The following KAZN variants were observed in gnomAD, a reference collection of about 807,000 sequenced individuals.
KAZN encodes kazrin.
KAZN carries 40 observed loss-of-function variants against 87.4 expected under a neutral mutation model. That is an observed-to-expected ratio of 0.46 (90% CI 0.36 to 0.60). KAZN has a LOEUF of 0.60. KAZN is among the 20% of genes least tolerant of loss of function. KAZN has a pLI of 0.00. For missense variants in KAZN, 898 were observed against 1,073.9 expected (o/e 0.84, Z 2.29); for synonymous variants, 466 against 458.3 (o/e 1.02, Z -0.22).
chr1:14,611,537 AT>A (rs1036108283), intron 1 of KAZN, among the ~76,000 whole-genome samples: 1 of 151,910 alleles, frequency 6.6e-6, no homozygotes, highest in African/African-American at 2.4e-5. Flanking sequence ...AATCTTAAAA[AT>A]TAGCTGGCCT....
intron 2 of KAZN, among the ~76,000 whole-genome samples, chr1:14,291,160 A>C (rs1318716353): frequency 1.3e-5 from 2 of 152,242 alleles, no homozygotes; most frequent in African/African-American, 4.8e-5. Flanking sequence ...TTGAGGAGGC[A>C]GACTGTCTGT....
intron 8 of KAZN, chr1:15,067,150 C>G (rs1277356064): frequency 1.0e-6 from 1 of 985,652 alleles, no homozygotes; most frequent in African/African-American, 1.7e-5. Context: ...GTGGGCCAGG[C>G]AGGTGTTGTT....
intron 2 of KAZN, among the ~76,000 whole-genome samples, chr1:14,983,523 G>GGCAAGTCTAGTTCCAT (rs1553167047): frequency 6.6e-6 from 1 of 151,940 alleles, no homozygotes; most frequent in Non-Finnish European, 1.5e-5. Context: ...CCCCTGTGGG[G>GGCAAGTCTAGTTCCAT]GGAGCAAAAT....
At chr1:14,893,122 C>A (rs1055414816) in intron 1 of KAZN, among the ~76,000 whole-genome samples, 1 of 151,980 alleles carries the variant, frequency 6.6e-6, no homozygotes, top group Non-Finnish European at 1.5e-5. Flanking sequence ...AATCCCAGCA[C>A]TTTGGGAGGC....
intron 1 of KAZN, among the ~76,000 whole-genome samples, chr1:13,900,711 G>A (rs567010931): frequency 5.9e-5 from 9 of 152,094 alleles, no homozygotes; most frequent in Non-Finnish European, 1.2e-4. Context: ...CACTTCTGCC[G>A]TTCACTAGCT....
chr1:14,378,960 C>G (rs1661139239), intron 2 of KAZN, among the ~76,000 whole-genome samples: 1 of 150,978 alleles, frequency 6.6e-6, no homozygotes, highest in Admixed American at 6.6e-5. Flanking sequence ...CGAGGCTGCA[C>G]AGCTTGCAGC....
At chr1:14,584,059 G>A (rs887999923) in intron 2 of KAZN, among the ~76,000 whole-genome samples, 6 of 152,154 alleles carry the variant, frequency 3.9e-5, no homozygotes, top group African/African-American at 7.2e-5. Flanking sequence ...GTGGACATGC[G>A]TTGCCTGGTC....
At chr1:14,158,846 C>G (rs1038852698) in intron 1 of KAZN, among the ~76,000 whole-genome samples, 5 of 152,188 alleles carry the variant, frequency 3.3e-5, no homozygotes, top group African/African-American at 4.8e-5. Context: ...TGCTGTGGCT[C>G]TTATGGACTC....
chr1:14,712,001 A>G (rs2100211467), intron 1 of KAZN, among the ~76,000 whole-genome samples: 1 of 152,342 alleles, frequency 6.6e-6, no homozygotes, highest in East Asian at 1.9e-4. Context: ...CAGAAGGAGC[A>G]TGGTGCAGGC....
At chr1:14,528,536 C>A (rs986210173) in intron 2 of KAZN, among the ~76,000 whole-genome samples, 5 of 151,682 alleles carry the variant, frequency 3.3e-5, no homozygotes, top group African/African-American at 1.2e-4. Flanking sequence ...GTAACCCCAG[C>A]ACTTTGGGAG....
chr1:14,784,783 C>G (rs191989265), intron 1 of KAZN, among the ~76,000 whole-genome samples: 9 of 152,076 alleles, frequency 5.9e-5, no homozygotes. Context: ...CAAGTGACTA[C>G]TCCAGACCAG....
chr1:13,921,533 A>G (rs139553414), intron 1 of KAZN, among the ~76,000 whole-genome samples: 40 of 152,318 alleles, frequency 2.6e-4, no homozygotes, highest in African/African-American at 9.6e-4. Flanking sequence ...GTTCTTTCAT[A>G]TCTGTGAAAT....
intron 1 of KAZN, among the ~76,000 whole-genome samples, chr1:14,700,008 TG>T (rs1013730350): frequency 6.6e-6 from 1 of 152,024 alleles, no homozygotes; most frequent in Non-Finnish European, 1.5e-5. Context: ...GGAATAAGTA[TG>T]GTGCGTTCAA....
At chr1:14,710,017 C>T (rs1040026592) in intron 1 of KAZN, among the ~76,000 whole-genome samples, 5 of 152,102 alleles carry the variant, frequency 3.3e-5, no homozygotes, top group Non-Finnish European at 7.4e-5. Context: ...TGTCATACGC[C>T]GTCACATAAT....
chr1:14,716,653 C>T lies in KAZN; in HGVS notation c.226+117430C>T, dbSNP rs374375872. ...CAAAGCCCACTGCTCAGCCCTCAGG[C>T]GGAGCACCTGAAAGGCTGGCATTTC... On this transcript the variant is annotated intron_variant, in intron 1 of 14. Coordinates refer to ENST00000376030, the MANE Select transcript of KAZN (RefSeq NM_201628.3). Among the ~76,000 whole-genome samples the T allele has an allele frequency of 5.2e-4, 79 of 152,220 alleles. No homozygotes were observed. In the East Asian group the frequency reaches 8.0e-3, roughly 15 times the overall value.
rs1206700775 is a variant in KAZN at position 14,187,720 on chromosome 1, G to A, written c.249+7128G>A. Among the ~76,000 whole-genome samples, 3 of 152,294 alleles carry A rather than the reference G, an allele frequency of 2.0e-5. No homozygotes were observed. The East Asian group carries it at 5.8e-4, about 29-fold the overall frequency. On this transcript the variant is annotated intron_variant, in intron 2 of 16. Coordinates refer to the KAZN transcript ENST00000636203. ...GCTAAACTCTCTACAATGCACAGGAGAGCTGCTCACAGCAAAGACTTATCC... is the reference window on the plus strand; with the variant it reads ...GCTAAACTCTCTACAATGCACAGGAAAGCTGCTCACAGCAAAGACTTATCC...
At chr1:14,935,311 G>C (rs937366543) in intron 1 of KAZN, among the ~76,000 whole-genome samples, 2 of 152,036 alleles carry the variant, frequency 1.3e-5, no homozygotes, top group Non-Finnish European at 2.9e-5. Context: ...CGCAATCTTG[G>C]CTCTCTGCAA....
intron 2 of KAZN, among the ~76,000 whole-genome samples, chr1:14,982,324 G>A (rs1432556969): frequency 6.6e-6 from 1 of 152,120 alleles, no homozygotes; most frequent in Non-Finnish European, 1.5e-5. Flanking sequence ...GCCTTTGGGT[G>A]GATGTGGGCG....
At chr1:14,552,688 A>G (rs1450638290) in intron 2 of KAZN, among the ~76,000 whole-genome samples, 1 of 152,206 alleles carries the variant, frequency 6.6e-6, no homozygotes, top group African/African-American at 2.4e-5. Context: ...GAGCAGCTGG[A>G]CTCAGGCAAC....
Sources: allele counts gnomAD v4.1 joint callset (sites outside exome capture counted in the v4.1 genomes callset), GRCh38; gene constraint gnomAD v4.1.1; transcripts MANE v1.5; gene names NCBI Gene and HGNC (gene_info 2026-07-23, HGNC 2026-07-21).